Variants in FAM171A2 observed in about 807,000 individuals in gnomAD.
FAM171A2 encodes protein FAM171A2.
A neutral mutation model predicts 34.2 loss-of-function variants in FAM171A2; 13 were observed. The ratio of observed to expected loss-of-function variants is 0.38; its 90% CI spans 0.25 to 0.60. The LOEUF (loss-of-function observed/expected upper bound fraction) is 0.60. FAM171A2 is among the 20% of genes least tolerant of loss of function. The pLI, the probability that FAM171A2 is intolerant of heterozygous loss-of-function variation, is 0.62. For synonymous variants in FAM171A2, 475 were observed against 561.2 expected (o/e 0.85, Z 2.17); for missense variants, 950 against 1,180.7 (o/e 0.80, Z 2.86).
chr17:44,361,853 C>G (rs1440642365), intron 1 of FAM171A2, among the ~76,000 whole-genome samples: 2 of 151,982 alleles, frequency 1.3e-5, no homozygotes, highest in African/African-American at 4.8e-5. Flanking sequence ...TGTGCAAGGT[C>G]CTCATCCATC....
chr17:44,354,055 G>T lies in FAM171A2; in HGVS notation c.2159C>A (p.Ala720Glu). 1 of 1,125,508 alleles carries T rather than the reference G, an allele frequency of 8.9e-7. No homozygotes were observed. Among genetic ancestry groups the T allele is most frequent in the Non-Finnish European group, 1.1e-6 (1 of 920,688 alleles). 69.7% of individuals were successfully genotyped at this position (1,125,508 alleles called of 1,614,324 possible). The change falls in exon 8 of 8, where the codon GCG becomes GAG. Residue 720 changes from alanine (A) to glutamate (E), a missense_variant. Ala to Glu is a moderately radical substitution (Grantham distance 107). Transcript: ENST00000293443. The surrounding 1 kb of genome is among the most constrained non-coding windows in gnomAD (Gnocchi z 5.8). ...CTCGCTGAGCGCCAGGCGCGGGGGC[G>T]CGGGCGGCGGCGGCGGCGCGGCAGG... is the stretch of plus-strand genomic sequence containing the variant. ...APPAAPPPPPAPPRLALSEDT... is the reference protein window; with the variant it reads ...APPAAPPPPPEPPRLALSEDT...
chr17:44,353,592 C>T lies in FAM171A2; in HGVS notation c.*141G>A. On this transcript the variant is annotated 3_prime_UTR_variant, in exon 8 of 8. Coordinates refer to ENST00000293443, the MANE Select transcript of FAM171A2 (RefSeq NM_198475.3). The stretch of plus-strand genomic sequence containing the variant: ...CTTGCAAGACACGACCCAGCACCAA[C>T]CACGGAACAGCTCCAAGGCCCCTGG... The T allele has an allele frequency of 1.7e-6, 1 of 595,928 alleles. No individual in the cohort carries two copies. The highest frequency in any genetic ancestry group is 2.0e-5 in the African/African-American group (1 of 50,644). The allele number at this position is 595,928 out of a possible 1,614,324, so 36.9% of individuals were successfully genotyped here.
At chr17:44,359,504 T>C in intron 3 of FAM171A2, 75 bp downstream of exon 3, 4 of 1,280,936 alleles carry the variant, frequency 3.1e-6, no homozygotes, top group Non-Finnish European at 4.4e-6. Flanking sequence ...ACCCAGCTAA[T>C]ATAGGACAGT....
intron 3 of FAM171A2, among the ~76,000 whole-genome samples, chr17:44,357,338 A>G (rs2048428789): frequency 7.1e-6 from 1 of 140,326 alleles, no homozygotes; most frequent in Non-Finnish European, 1.5e-5. Flanking sequence ...CAAGAGCGAA[A>G]CTCCATCTCA....
In FAM171A2 at chr17:44,353,865, G is replaced by T; in HGVS notation, c.2349C>A (p.Ser783Arg). Reference protein sequence around the residue: ...SRGDSSRSSASELRRDSLTSP... With the variant: ...SRGDSSRSSARELRRDSLTSP... ...TGGTGAGCGAGTCGCGCCGCAGCTC[G>T]CTGGCGCTGCTGCGGGAGCTGTCCC... The change falls in exon 8 of 8, where the codon AGC (serine) becomes AGA (arginine). Residue 783 changes from serine (S) to arginine (R), a missense_variant. Around this residue, in one of 3 missense-constraint regions of FAM171A2, gnomAD observed 191 missense variants for 222.8 expected, o/e 0.86. Coordinates refer to ENST00000293443, the MANE Select transcript of FAM171A2 (RefSeq NM_198475.3). 12 of 1,368,352 alleles carry T rather than the reference G, an allele frequency of 8.8e-6. No individual in the cohort carries two copies. The highest frequency in any genetic ancestry group is 1.1e-5 in the Non-Finnish European group (12 of 1,059,982). The allele number at this position is 1,368,352 out of a possible 1,614,324, so 84.8% of individuals were successfully genotyped here. A position where few individuals can be genotyped will look rare whatever the true frequency, so the allele number is the denominator to read the frequency against.
At chr17:44,356,632 A>T (rs902239495) in intron 3 of FAM171A2, 44 bp from the exon 4 acceptor site, 13 of 1,499,918 alleles carry the variant, frequency 8.7e-6, no homozygotes, top group Non-Finnish European at 1.2e-5. Context: ...ATGGACAGGG[A>T]TCCCCAGGGA....
intron 1 of FAM171A2, among the ~76,000 whole-genome samples, chr17:44,361,471 C>G (rs903492760): frequency 1.3e-5 from 2 of 152,164 alleles, no homozygotes; most frequent in African/African-American, 4.8e-5. Flanking sequence ...GCTGTGGAGA[C>G]TTCAAGGAGA....
chr17:44,354,769 T>C lies in FAM171A2; in HGVS notation c.1445A>G (p.Asp482Gly). ...HEPPSPPPPF[D>G]HYLGHKGAAE... ...CGCCCCCTTGTGGCCCAGGTAGTGGTCGAAGGGCGGCGGCGGCGAGGGCGG... is the reference window on the plus strand; with the variant it reads ...CGCCCCCTTGTGGCCCAGGTAGTGGCCGAAGGGCGGCGGCGGCGAGGGCGG... The change falls in exon 8 of 8, where the codon GAC (aspartate) becomes GGC (glycine). Residue 482 changes from aspartate to glycine, a missense_variant. By Grantham distance (94) the Asp-to-Gly change is moderately conservative. Around this residue, in one of 3 missense-constraint regions of FAM171A2, gnomAD observed 752 missense variants for 924.5 expected, o/e 0.81. Transcript: ENST00000293443. This position sits in a 1 kb window ranked among gnomAD's most constrained non-coding sequence, Gnocchi z 5.8. The C allele has an allele frequency of 7.7e-7, 1 of 1,303,874 alleles. No individual in the cohort carries two copies. Among genetic ancestry groups the C allele is most frequent in the South Asian group, 2.1e-5 (1 of 48,308 alleles). 80.8% of individuals were successfully genotyped at this position (1,303,874 alleles called of 1,614,324 possible). A position where few individuals can be genotyped will look rare whatever the true frequency, so the allele number is the denominator to read the frequency against.
chr17:44,362,336 A>AG (rs1415486372), intron 1 of FAM171A2, among the ~76,000 whole-genome samples: 1 of 152,098 alleles, frequency 6.6e-6, no homozygotes, highest in Non-Finnish European at 1.5e-5. Flanking sequence ...ACTGAGGCAG[A>AG]GGGTGAACCC....
In FAM171A2 at chr17:44,354,694, A is replaced by G. The variant is rs897116068; in HGVS notation, c.1520T>C (p.Leu507Pro). The G allele has an allele frequency of 4.5e-6, 6 of 1,334,928 alleles. No individual in the cohort carries two copies. The African/African-American group carries it at 9.2e-5, about 20-fold the overall frequency. The allele number at this position is 1,334,928 out of a possible 1,614,324, so 82.7% of individuals were successfully genotyped here. Residue 507 changes from leucine (L) to proline (P), a missense_variant, in exon 8 of 8, where the codon CTG becomes CCG. This residue lies in a region of FAM171A2 where 752 missense variants were observed against 924.5 expected (regional missense o/e 0.81). Transcript: ENST00000293443. The surrounding 1 kb of genome is among the most constrained non-coding windows in gnomAD (Gnocchi z 5.8). ...DFLLSQSVDQ[L>P]ARPPSLGQAG... ...CTGGCCCAGCGACGGCGGCCGCGCC[A>G]GCTGGTCCACCGACTGCGACAGCAG...
intron 3 of FAM171A2, among the ~76,000 whole-genome samples, chr17:44,357,758 T>TGTGTGTGTGTGTGTGTGTGTGTG (rs61464829): frequency 5.0e-4 from 74 of 148,936 alleles, no homozygotes; most frequent in African/African-American, 8.8e-4. Flanking sequence ...TGTGTGTGTG[T>TGTGTGTGTGTGTGTGTGTGTGTG]TGGGGTGGAG....
In FAM171A2 at chr17:44,354,930, G is replaced by T; in HGVS notation, c.1284C>A (p.Ala428=). 1 of 1,419,764 alleles carries T rather than the reference G, an allele frequency of 7.0e-7. No individual in the cohort carries two copies. The allele number at this position is 1,419,764 out of a possible 1,614,324, so 87.9% of individuals were successfully genotyped here. A position where few individuals can be genotyped will look rare whatever the true frequency, so the allele number is the denominator to read the frequency against. ...TKPRSASRPA[A]EPSGARGGES... is the part of the protein sequence containing the mutation. Reference sequence around the variant, plus strand: ...CGCCCCCGCGGGCACCCGAAGGCTCGGCGGCCGGGCGGCTGGCAGAGCGCG... The same window carrying T: ...CGCCCCCGCGGGCACCCGAAGGCTCTGCGGCCGGGCGGCTGGCAGAGCGCG... The change falls in exon 8 of 8, where the codon GCC becomes GCA. Residue 428 remains alanine, a synonymous_variant. Coordinates refer to ENST00000293443, the MANE Select transcript of FAM171A2 (RefSeq NM_198475.3). The surrounding 1 kb of genome is among the most constrained non-coding windows in gnomAD (Gnocchi z 5.8).
chr17:44,359,782 G>T, intron 2 of FAM171A2, 111 bp from the exon 3 acceptor site: 1 of 1,344,150 alleles, frequency 7.4e-7, no homozygotes, highest in Non-Finnish European at 1.0e-6. Context: ...CCCCCTCTGT[G>T]TACCCCAGCC....
Position 44,354,418 on chromosome 17 carries a change from C to T in FAM171A2, c.1796G>A (p.Gly599Asp). ...CCCGGCCCCCCAGCCCTCGCCGCCG[C>T]CCCCGCCGCCCTCGCCCCCCGGGCC... ...HSGPGGEGGG[G>D]GGEGWGAGRA... The change falls in exon 8 of 8, where the codon GGC becomes GAC. Residue 599 changes from glycine to aspartate, a missense_variant. Gly to Asp is a moderately conservative substitution (Grantham distance 94). Around this residue, in one of 3 missense-constraint regions of FAM171A2, gnomAD observed 752 missense variants for 924.5 expected, o/e 0.81. Transcript: ENST00000293443. This position sits in a 1 kb window ranked among gnomAD's most constrained non-coding sequence, Gnocchi z 5.8. The T allele has an allele frequency of 8.7e-7, 1 of 1,155,032 alleles. No homozygotes were observed. The highest frequency in any genetic ancestry group is 1.1e-6 in the Non-Finnish European group (1 of 934,436). The allele number at this position is 1,155,032 out of a possible 1,614,324, so 71.5% of individuals were successfully genotyped here.
intron 1 of FAM171A2, among the ~76,000 whole-genome samples, chr17:44,360,767 G>A (rs1185865823): frequency 6.6e-6 from 1 of 152,078 alleles, no homozygotes; most frequent in Non-Finnish European, 1.5e-5. Flanking sequence ...TGGGGTCTTG[G>A]GAAAAAATTG....
rs1282891315 is a variant in FAM171A2, at chr17:44,355,170, C to T, written c.1044G>A (p.Arg348=). The T allele has an allele frequency of 1.3e-6, 2 of 1,550,712 alleles. No individual in the cohort carries two copies. The highest frequency in any genetic ancestry group is 8.7e-7 in the Non-Finnish European group (1 of 1,146,806). The change falls in exon 8 of 8, where the codon AGG becomes AGA. Residue 348 remains arginine, a synonymous_variant. Coordinates refer to ENST00000293443, the MANE Select transcript of FAM171A2 (RefSeq NM_198475.3). The surrounding 1 kb of genome is among the most constrained non-coding windows in gnomAD (Gnocchi z 4.1). ...AGAGCTGCAGCTTGCGGTGCTGTTG[C>T]CTCGGCTTCAGGCAGCGCCTCCTGG... ...YYCRRRCLKP[R]QQHRKLQLSG... is the part of the protein sequence containing the mutation.
chr17:44,353,493 C>T lies in FAM171A2; in HGVS notation c.*240G>A, dbSNP rs1360394728. On this transcript the variant is annotated 3_prime_UTR_variant, in exon 8 of 8. Transcript: ENST00000293443. ...CTACACAGGCACTGCTTCCCCCCAG[C>T]CCTCCTCCCCGGCACCTCCCCGTGG... 8.2e-6 allele frequency: 2 copies of T among 242,818 alleles called. No homozygotes were observed. The highest frequency in any genetic ancestry group is 5.6e-5 in the Admixed American group (1 of 17,930). The allele number at this position is 242,818 out of a possible 1,614,324, so 15.0% of individuals were successfully genotyped here.
chr17:44,359,964 G>C lies in FAM171A2; in HGVS notation c.287C>G (p.Thr96Ser). The change falls in exon 2 of 8, where the codon ACT becomes AGT. Residue 96 changes from threonine to serine, a missense_variant. By Grantham distance (58) the Thr-to-Ser change is moderately conservative. This residue lies in a region of FAM171A2 where 752 missense variants were observed against 924.5 expected (regional missense o/e 0.81). Coordinates refer to ENST00000293443, the MANE Select transcript of FAM171A2 (RefSeq NM_198475.3). ...SYRLGTWVLV[T>S]AARPGFLTNS... is the part of the protein sequence containing the mutation. ...GGTGAGGAAGCCAGGGCGGGCAGCA[G>C]TGACCAGCACCCAGGTGCCCAAGCG... 2 of 1,551,562 alleles carry C rather than the reference G, an allele frequency of 1.3e-6. No individual in the cohort carries two copies. Among genetic ancestry groups the C allele is most frequent in the Non-Finnish European group, 1.7e-6 (2 of 1,146,922 alleles).
chr17:44,360,784 G>C (rs960343652), intron 1 of FAM171A2, among the ~76,000 whole-genome samples: 2 of 152,178 alleles, frequency 1.3e-5, no homozygotes, highest in Admixed American at 6.5e-5. Context: ...ATTGACAGGG[G>C]ACACTAGGAA....
Sources: allele counts gnomAD v4.1 joint callset (sites outside exome capture counted in the v4.1 genomes callset), GRCh38; gene constraint gnomAD v4.1.1; regional missense constraint gnomAD v4.1.1; non-coding constraint Gnocchi (gnomAD v3.1); transcripts MANE v1.5; gene names NCBI Gene and HGNC (gene_info 2026-07-23, HGNC 2026-07-21).